The following KIZ variants were observed in gnomAD, a reference collection of about 807,000 sequenced individuals.
KIZ encodes centrosomal protein kizuna.
KIZ carries 68 observed loss-of-function variants against 79.6 expected under a neutral mutation model. That is an observed-to-expected ratio of 0.85 (90% confidence interval 0.70 to 1.05). The LOEUF is 1.05. Among genes scored for constraint, KIZ ranks in the 50% least tolerant of loss-of-function variants. The pLI, the probability that KIZ is intolerant of heterozygous loss-of-function variation, is 0.00. For synonymous variants in KIZ, 280 were observed against 281.8 expected, an observed-to-expected ratio of 0.99 and a Z score of 0.06; for missense variants, 797 against 800.4, an observed-to-expected ratio of 1.00 and a Z score of 0.05.
chr20:21,215,563 AT>A lies in KIZ; in HGVS notation c.1613-18del. On this transcript the variant is annotated intron_variant, in intron 8 of 12. Coordinates refer to ENST00000619189, the MANE Select transcript of KIZ (RefSeq NM_018474.6). ...CTTAACTTTGAAATACTTTTTTTTT[AT>A]TATGCATTCAATTTTTAGAAGTTTC... The A allele has an allele frequency of 6.8e-7, 1 of 1,476,954 alleles. No individual in the cohort carries two copies. The highest frequency in any genetic ancestry group is 9.3e-7 in the Non-Finnish European group (1 of 1,069,754). The allele number at this position is 1,476,954 out of a possible 1,614,324, so 91.5% of individuals were successfully genotyped here.
chr20:21,205,700 C>G, intron 7 of KIZ, 116 bp downstream of exon 7: 1 of 532,596 alleles, frequency 1.9e-6, no homozygotes. Flanking sequence ...CCGTGGCTCA[C>G]GCCTGTAATC....
At chr20:21,140,223 G>A (rs2032438291) in intron 3 of KIZ, among the ~76,000 whole-genome samples, 1 of 152,194 alleles carries the variant, frequency 6.6e-6, no homozygotes, top group Non-Finnish European at 1.5e-5. Context: ...GGTATCAGAT[G>A]TTTACCTCCT....
chr20:21,161,566 A>G (rs906695207), intron 4 of KIZ, among the ~76,000 whole-genome samples: 2 of 152,154 alleles, frequency 1.3e-5, no homozygotes, highest in Non-Finnish European at 2.9e-5. Flanking sequence ...TCCTGACCTC[A>G]GATGATCTGC....
intron 6 of KIZ, chr20:21,196,852 G>A (rs1028730948): frequency 6.6e-6 from 1 of 152,198 alleles, no homozygotes; most frequent in Non-Finnish European, 1.5e-5. Context: ...GTAGGGCTAA[G>A]CCTGAGTCTG....
At chr20:21,207,616 T>TA (rs757782986) in intron 7 of KIZ, among the ~76,000 whole-genome samples, 26 of 151,778 alleles carry the variant, frequency 1.7e-4, no homozygotes, top group Middle Eastern at 6.8e-3. Flanking sequence ...CAAACATAGA[T>TA]ACAGCCCCCC....
chr20:21,128,295 G>A (rs2031612600), intron 1 of KIZ, among the ~76,000 whole-genome samples: 2 of 152,210 alleles, frequency 1.3e-5, no homozygotes. Flanking sequence ...TTACAGGTGT[G>A]AGCCACTGCA....
At chr20:21,194,405 A>G (rs2035248913) in intron 6 of KIZ, 1 of 152,230 alleles carries the variant, frequency 6.6e-6, no homozygotes, top group Admixed American at 6.5e-5. Context: ...GTTCTAAAAT[A>G]GTTACAGTGT....
intron 9 of KIZ, among the ~76,000 whole-genome samples, chr20:21,228,744 T>C (rs2036734514): frequency 6.6e-6 from 1 of 152,208 alleles, no homozygotes; most frequent in Middle Eastern, 3.2e-3. Context: ...TGTTTTGCTG[T>C]GATGGGGAAC....
chr20:21,137,720 C>T (rs546647096), intron 3 of KIZ, among the ~76,000 whole-genome samples: 2 of 152,112 alleles, frequency 1.3e-5, no homozygotes, highest in South Asian at 4.2e-4. Flanking sequence ...CTCCTAAATG[C>T]AGGGACAGTC....
At chr20:21,174,462 T>C (rs1401369970) in intron 6 of KIZ, among the ~76,000 whole-genome samples, 1 of 152,094 alleles carries the variant, frequency 6.6e-6, no homozygotes. Flanking sequence ...AAAGATAATA[T>C]TTTATAAGGT....
chr20:21,204,653 TACA>T (rs10568380), intron 6 of KIZ, among the ~76,000 whole-genome samples: 53,058 of 151,410 alleles, frequency 0.35, 9,475 homozygotes, highest in East Asian at 0.42. Context: ...TACTTTCTGG[TACA>T]ACAAGATGTT....
At chr20:21,244,422 C>T (rs1356792428) in intron 12 of KIZ, 134 bp downstream of exon 12, 1 of 679,304 alleles carries the variant, frequency 1.5e-6, no homozygotes, top group Middle Eastern at 2.5e-4. Flanking sequence ...TTGCAGCTGT[C>T]CCTGGGGTGG....
intron 9 of KIZ, among the ~76,000 whole-genome samples, chr20:21,222,861 G>T (rs774615359): frequency 1.3e-5 from 2 of 152,188 alleles, no homozygotes; most frequent in African/African-American, 2.4e-5. Flanking sequence ...TATCTGTAAA[G>T]AACCTATTTC....
At chr20:21,201,119 C>T (rs896505153) in intron 6 of KIZ, among the ~76,000 whole-genome samples, 2 of 152,134 alleles carry the variant, frequency 1.3e-5, no homozygotes, top group Non-Finnish European at 2.9e-5. Context: ...GTTAAGGCTG[C>T]AGTGAGCTGT....
In KIZ at chr20:21,163,119, G is replaced by C; in HGVS notation, c.1312G>C (p.Asp438His). Residue 438 changes from aspartate (D) to histidine (H), a missense_variant, in exon 6 of 13, where the codon GAT (aspartate) becomes CAT (histidine). Asp to His is a moderately conservative substitution (Grantham distance 81). Coordinates refer to ENST00000619189, the MANE Select transcript of KIZ (RefSeq NM_018474.6). ...NCILQTLSSPDSEKESSTNAP... is the reference protein window; with the variant it reads ...NCILQTLSSPHSEKESSTNAP... ...TATTTTGCAAACCCTAAGCTCTCCT[G>C]ATTCAGAAAAGGAATCCTCCACTAA... 1 of 1,612,830 alleles carries C rather than the reference G, an allele frequency of 6.2e-7. No homozygotes were observed. The highest frequency in any genetic ancestry group is 8.5e-7 in the Non-Finnish European group (1 of 1,179,546).
intron 2 of KIZ, among the ~76,000 whole-genome samples, chr20:21,132,428 T>C (rs770914553): frequency 4.6e-5 from 7 of 152,122 alleles, no homozygotes; most frequent in Non-Finnish European, 8.8e-5. Context: ...ATTACAGGTA[T>C]GTGCCACCAT....
chr20:21,223,549 G>A (rs577549780), intron 9 of KIZ, among the ~76,000 whole-genome samples: 99 of 151,962 alleles, frequency 6.5e-4, no homozygotes, highest in Middle Eastern at 3.4e-3. Flanking sequence ...TTCTGGTTAC[G>A]GACCCAAACT....
At chr20:21,168,252 A>T (rs1395142455) in intron 6 of KIZ, among the ~76,000 whole-genome samples, 1 of 152,118 alleles carries the variant, frequency 6.6e-6, no homozygotes, top group African/African-American at 2.4e-5. Flanking sequence ...ACATGAACTC[A>T]TCATTTTTTA....
chr20:21,155,059 C>A (rs547759658), intron 4 of KIZ, among the ~76,000 whole-genome samples: 3 of 152,080 alleles, frequency 2.0e-5, no homozygotes, highest in Non-Finnish European at 4.4e-5. Context: ...ATATAATTGC[C>A]GGTGGGAATG....
Sources: allele counts gnomAD v4.1 joint callset (sites outside exome capture counted in the v4.1 genomes callset), GRCh38; gene constraint gnomAD v4.1.1; transcripts MANE v1.5; gene names NCBI Gene and HGNC (gene_info 2026-07-23, HGNC 2026-07-21).